The following SLC16A9 variants were observed in gnomAD, a reference collection of about 807,000 sequenced individuals.
The protein encoded by SLC16A9 is monocarboxylate transporter 9.
Under a neutral mutation model 44.3 loss-of-function variants are expected in SLC16A9, and 26 were observed. That is an observed-to-expected ratio of 0.59 (90% confidence interval 0.43 to 0.81). The LOEUF (loss-of-function observed/expected upper bound fraction) is 0.81, where lower values mean the gene tolerates loss of function less well. Among genes scored for constraint, SLC16A9 ranks in the 40% least tolerant of loss-of-function variants. The probability of loss-of-function intolerance (pLI) is 0.00; values close to 1 mark genes in which losing one functional copy is unlikely to be tolerated. For synonymous variants in SLC16A9, 230 were observed against 225.1 expected (o/e 1.02, Z -0.19); for missense variants, 559 against 595.8 (o/e 0.94, Z 0.64).
chr10:59,656,181 A>G (rs1418483987), intron 4 of SLC16A9, among the ~76,000 whole-genome samples: 3 of 152,206 alleles, frequency 2.0e-5, no homozygotes, highest in Non-Finnish European at 2.9e-5. Context: ...TCCTTCTCTC[A>G]TTAAACGTGG....
chr10:59,660,111 A>G (rs1249529583), intron 4 of SLC16A9, among the ~76,000 whole-genome samples: 2 of 152,214 alleles, frequency 1.3e-5, no homozygotes, highest in Non-Finnish European at 2.9e-5. Context: ...AAGAGCAAAC[A>G]AATTCAAACG....
At chr10:59,671,550 G>T (rs1171064232) in intron 3 of SLC16A9, among the ~76,000 whole-genome samples, 15 of 152,138 alleles carry the variant, frequency 9.9e-5, no homozygotes, top group Non-Finnish European at 1.9e-4. Flanking sequence ...CCCAGTCCCT[G>T]ATATTTAATT....
intron 1 of SLC16A9, among the ~76,000 whole-genome samples, chr10:59,689,588 A>T (rs189265794): frequency 6.6e-6 from 1 of 152,260 alleles, no homozygotes; most frequent in African/African-American, 2.4e-5. Flanking sequence ...CACTGAAGAG[A>T]CCTCTGTCAG....
intron 1 of SLC16A9, among the ~76,000 whole-genome samples, chr10:59,701,158 C>G (rs1275558072): frequency 6.6e-6 from 1 of 152,192 alleles, no homozygotes; most frequent in Non-Finnish European, 1.5e-5. Flanking sequence ...AAGCACAAAG[C>G]CTCCACTTCA....
At chr10:59,678,779 A>G (rs915182735) in intron 2 of SLC16A9, among the ~76,000 whole-genome samples, 1 of 148,798 alleles carries the variant, frequency 6.7e-6, no homozygotes, top group Non-Finnish European at 1.5e-5. Context: ...TCCTGACCTC[A>G]TGATCCACCC....
Position 59,664,325 on chromosome 10 carries a change from A to C in SLC16A9, c.341-3T>G. The C allele has an allele frequency of 6.3e-7, 1 of 1,596,994 alleles. No individual in the cohort carries two copies. The highest frequency in any genetic ancestry group is 8.6e-7 in the Non-Finnish European group (1 of 1,168,528). On this transcript the variant is annotated splice_region_variant and splice_polypyrimidine_tract_variant and intron_variant, in intron 3 of 5. Transcript: ENST00000395348. ...GTATAATAAACCACATCCAAGACCTAAGCATGAGAAGACATTGCATAAATT... is the reference window on the plus strand; with the variant it reads ...GTATAATAAACCACATCCAAGACCTCAGCATGAGAAGACATTGCATAAATT...
At position 59,672,923 on chromosome 10, in the gene SLC16A9, G is replaced by T. The variant is rs1162166400; in HGVS notation, c.197-10C>A. ...AGACTGCAGACAGGACCTAAAAAAA[G>T]AAATGAAACCTTCACTTATTATCAT... On this transcript the variant is annotated splice_polypyrimidine_tract_variant and intron_variant, in intron 2 of 5. Transcript: ENST00000395348. The T allele has an allele frequency of 1.9e-6, 3 of 1,595,380 alleles. No homozygotes were observed. The highest frequency in any genetic ancestry group is 1.4e-5 in the African/African-American group (1 of 73,368).
At chr10:59,669,967 T>C (rs1839708897) in intron 3 of SLC16A9, among the ~76,000 whole-genome samples, 2 of 152,322 alleles carry the variant, frequency 1.3e-5, no homozygotes, top group Admixed American at 6.5e-5. Flanking sequence ...TGTTTTCAAA[T>C]TGTTAGTTTT....
intron 4 of SLC16A9, among the ~76,000 whole-genome samples, chr10:59,663,949 A>C (rs962927709): frequency 2.0e-5 from 3 of 151,610 alleles, no homozygotes; most frequent in Admixed American, 6.6e-5. Flanking sequence ...ATGTTATACT[A>C]AATATCAGTT....
At chr10:59,680,405 G>C (rs866825375) in intron 2 of SLC16A9, among the ~76,000 whole-genome samples, 2 of 152,132 alleles carry the variant, frequency 1.3e-5, no homozygotes, top group African/African-American at 4.8e-5. Context: ...TCTTGGCAAG[G>C]TTCCAGCTCC....
chr10:59,696,064 G>A (rs907228683), intron 1 of SLC16A9, among the ~76,000 whole-genome samples: 7 of 151,752 alleles, frequency 4.6e-5, no homozygotes, highest in Non-Finnish European at 1.5e-5. Flanking sequence ...GATTTTTAAA[G>A]CCCTCTCCCC....
intron 1 of SLC16A9, among the ~76,000 whole-genome samples, chr10:59,696,987 G>T (rs1381300341): frequency 2.4e-5 from 3 of 125,072 alleles, no homozygotes; most frequent in Non-Finnish European, 5.0e-5. Context: ...AGGTGGGGGG[G>T]TCAGCCCCCC....
intron 4 of SLC16A9, among the ~76,000 whole-genome samples, chr10:59,655,092 C>T (rs1839319843): frequency 6.6e-6 from 1 of 152,088 alleles, no homozygotes; most frequent in East Asian, 1.9e-4. Flanking sequence ...GAGTTCGAGA[C>T]CATCCTGGCC....
intron 3 of SLC16A9, among the ~76,000 whole-genome samples, chr10:59,665,704 C>T (rs1359550967): frequency 2.6e-5 from 4 of 152,154 alleles, no homozygotes; most frequent in Non-Finnish European, 5.9e-5. Flanking sequence ...TTAACTAAGA[C>T]TATTTCTGAA....
intron 1 of SLC16A9, among the ~76,000 whole-genome samples, chr10:59,692,673 G>T (rs556016296): frequency 1.8e-4 from 28 of 152,048 alleles, no homozygotes; most frequent in Non-Finnish European, 2.9e-4. Context: ...AAGCAAACCT[G>T]TTCAGCCAGA....
At chr10:59,697,747 A>T (rs916853341) in intron 1 of SLC16A9, among the ~76,000 whole-genome samples, 2 of 134,330 alleles carry the variant, frequency 1.5e-5, no homozygotes, top group Non-Finnish European at 3.0e-5. Context: ...ATAAAATAAA[A>T]AATAAATAAA....
At chr10:59,705,244 A>G (rs1353311749) in intron 1 of SLC16A9, among the ~76,000 whole-genome samples, 1 of 152,050 alleles carries the variant, frequency 6.6e-6, no homozygotes, top group Non-Finnish European at 1.5e-5. Context: ...AATCCAAATG[A>G]TGAAAATTAA....
At chr10:59,682,301 A>T (rs866628970) in intron 2 of SLC16A9, among the ~76,000 whole-genome samples, 1 of 152,154 alleles carries the variant, frequency 6.6e-6, no homozygotes, top group African/African-American at 2.4e-5. Flanking sequence ...AAATTCTGTC[A>T]CTAAATTTGC....
rs202054482 is a variant in SLC16A9, at chr10:59,681,458, GTATGTGTATGTATATGTA to G, written c.196+2620_196+2637del. On this transcript the variant is annotated intron_variant, in intron 2 of 5. Transcript: ENST00000395348. ...ATGATGTATATGTATATGTGTATGT[GTATGTGTATGTATATGTA>G]TATGTATATGTATATGTATATGTAT... Among the ~76,000 whole-genome samples, 8 of 2,746 alleles carry G rather than the reference GTATGTGTATGTATATGTA, an allele frequency of 2.9e-3. 3 individuals are homozygous for G. Among genetic ancestry groups the G allele is most frequent in the African/African-American group, 2.4e-3 (6 of 2,482 alleles). The allele number at this position is 2,746 out of a possible 152,430, so 1.8% of individuals were successfully genotyped here. A position where few individuals can be genotyped will look rare whatever the true frequency, so the allele number is the denominator to read the frequency against.
Sources: gnomAD v4.1 joint callset for allele counts (sites outside exome capture counted in the v4.1 genomes callset) on GRCh38, gnomAD v4.1.1 for gene constraint, MANE v1.5 for transcripts, NCBI Gene and HGNC (gene_info 2026-07-23, HGNC 2026-07-21) for gene names.